EPHA4: variants seen among roughly 807,000 people sequenced by gnomAD.
EPHA4 encodes EPH receptor A4, also known as ephrin type-A receptor 4.
A neutral mutation model predicts 108.3 loss-of-function variants in EPHA4; 19 were observed. That is an observed-to-expected ratio of 0.18 (90% confidence interval 0.12 to 0.26). The LOEUF (loss-of-function observed/expected upper bound fraction) is 0.26, where lower values mean the gene tolerates loss of function less well. Ranked by LOEUF, EPHA4 falls within the 10% of genes least tolerant of loss-of-function variation. The pLI, the probability that EPHA4 is intolerant of heterozygous loss-of-function variation, is 1.00. For synonymous variants in EPHA4, 449 were observed against 455.5 expected, an observed-to-expected ratio of 0.99 and a Z score of 0.18; for missense variants, 917 against 1,254.0, an observed-to-expected ratio of 0.73 and a Z score of 4.06.
At chr2:221,524,757 C>T (rs952478821) in intron 3 of EPHA4, among the ~76,000 whole-genome samples, 4 of 152,190 alleles carry the variant, frequency 2.6e-5, no homozygotes, top group African/African-American at 9.7e-5. Flanking sequence ...TTACTAAACA[C>T]CAGCTGGATT....
intron 5 of EPHA4, among the ~76,000 whole-genome samples, chr2:221,461,556 T>C (rs1691144672): frequency 6.6e-6 from 1 of 152,138 alleles, no homozygotes. Flanking sequence ...ATTTACATTC[T>C]GAAATCTCAT....
chr2:221,427,212 G>A (rs1574553167), intron 15 of EPHA4, among the ~76,000 whole-genome samples: 1 of 152,278 alleles, frequency 6.6e-6, no homozygotes. Context: ...TGACCAGCAC[G>A]AGTGCCAAGG....
intron 14 of EPHA4, 72 bp from the exon 15 acceptor site, chr2:221,430,223 G>T: frequency 1.4e-6 from 2 of 1,468,688 alleles, no homozygotes; most frequent in Non-Finnish European, 1.8e-6. Flanking sequence ...CTTCCGACTG[G>T]CATGTTTCTT....
chr2:221,475,809 T>C (rs1691637169), intron 5 of EPHA4, among the ~76,000 whole-genome samples: 1 of 152,236 alleles, frequency 6.6e-6, no homozygotes, highest in African/African-American at 2.4e-5. Context: ...ATTAGAAATA[T>C]AAAAGCCAAT....
chr2:221,531,361 C>T (rs935568654), intron 3 of EPHA4, among the ~76,000 whole-genome samples: 2 of 152,000 alleles, frequency 1.3e-5, no homozygotes, highest in South Asian at 2.1e-4. Flanking sequence ...AAAAGCCACG[C>T]GTACTTTTTG....
chr2:221,514,093 G>GGT (rs1559274267), intron 3 of EPHA4, among the ~76,000 whole-genome samples: 1 of 147,108 alleles, frequency 6.8e-6, no homozygotes, highest in Admixed American at 6.8e-5. Context: ...TAAGCCGGGG[G>GGT]GAGGGGGTTT....
chr2:221,510,871 A>G (rs778368260), intron 3 of EPHA4, among the ~76,000 whole-genome samples: 2 of 152,222 alleles, frequency 1.3e-5, no homozygotes, highest in Non-Finnish European at 2.9e-5. Flanking sequence ...AACTAAACAC[A>G]TTCAACTAAA....
chr2:221,476,196 T>C (rs1268429548), intron 5 of EPHA4, among the ~76,000 whole-genome samples: 1 of 152,108 alleles, frequency 6.6e-6, no homozygotes, highest in Non-Finnish European at 1.5e-5. Context: ...TTAGGTTTAG[T>C]ATTCCAAAAC....
chr2:221,487,457 T>C (rs919964923), intron 4 of EPHA4, among the ~76,000 whole-genome samples: 5 of 152,218 alleles, frequency 3.3e-5, no homozygotes, highest in African/African-American at 1.2e-4. Flanking sequence ...TCCACCTTGA[T>C]TTCAGGAGGT....
chr2:221,566,879 AGAAGG>A lies in EPHA4; in HGVS notation c.159+1834_159+1838del, dbSNP rs1559297121. Among the ~76,000 whole-genome samples the A allele has an allele frequency of 1.5e-3, 35 of 23,108 alleles. 1 individual carries two copies. Among genetic ancestry groups the A allele is most frequent in the South Asian group, 4.1e-3 (3 of 738 alleles). 15.2% of individuals were successfully genotyped at this position (23,108 alleles called of 152,430 possible). On this transcript the variant is annotated intron_variant, in intron 2 of 17. Transcript: ENST00000281821. Reference sequence around the variant, plus strand: ...GAGAAGAAGAAGAAGAAGAAGAAGGAGAAGGAGAAGGAGAAGGAGAAGGAGAAGGA... The same window carrying A: ...GAGAAGAAGAAGAAGAAGAAGAAGGAAGAAGGAGAAGGAGAAGGAGAAGGA...
chr2:221,424,652 G>A (rs1481908213), intron 17 of EPHA4, among the ~76,000 whole-genome samples: 5 of 152,170 alleles, frequency 3.3e-5, no homozygotes, highest in Non-Finnish European at 5.9e-5. Context: ...TGAGAAAGCC[G>A]AGGCGAGTTC....
Position 221,489,130 on chromosome 2 carries a change from A to C in EPHA4, c.980-6440T>G, listed in dbSNP as rs1692064694. ...GTTTGGTATAAACCATTCCATGGAA[A>C]GTCCAGGTACCCTATGTACTCTACC... On this transcript the variant is annotated intron_variant, in intron 4 of 17. Transcript: ENST00000281821. Among the ~76,000 whole-genome samples, 2 of 152,200 alleles carry C rather than the reference A, an allele frequency of 1.3e-5. 1 individual carries two copies. The highest frequency in any genetic ancestry group is 4.1e-4 in the South Asian group (2 of 4,834).
At chr2:221,524,372 C>T (rs966921375) in intron 3 of EPHA4, among the ~76,000 whole-genome samples, 1 of 152,200 alleles carries the variant, frequency 6.6e-6, no homozygotes, top group African/African-American at 2.4e-5. Flanking sequence ...TGGTAAATGA[C>T]ACGTCTCTAT....
chr2:221,516,563 C>T (rs1692996392), intron 3 of EPHA4, among the ~76,000 whole-genome samples: 1 of 152,112 alleles, frequency 6.6e-6, no homozygotes, highest in Non-Finnish European at 1.5e-5. Flanking sequence ...CCATGTTGGT[C>T]AGGCTGGTCT....
At chr2:221,466,016 T>C (rs1691300806) in intron 5 of EPHA4, among the ~76,000 whole-genome samples, 1 of 152,172 alleles carries the variant, frequency 6.6e-6, no homozygotes, top group South Asian at 2.1e-4. Context: ...CAGCTGGTCA[T>C]GCACGATGAG....
chr2:221,483,165 A>G (rs183541589), intron 4 of EPHA4, among the ~76,000 whole-genome samples: 1 of 152,350 alleles, frequency 6.6e-6, no homozygotes, highest in Admixed American at 6.5e-5. Flanking sequence ...ACAGAACTGT[A>G]GAAATGTGCC....
chr2:221,541,690 G>A (rs72965031), intron 3 of EPHA4, among the ~76,000 whole-genome samples: 207 of 152,296 alleles, frequency 1.4e-3, no homozygotes, highest in Non-Finnish European at 1.9e-3. Flanking sequence ...TGATTCTGAC[G>A]TTACCAACAA....
rs1054510012 is a variant in EPHA4, at chr2:221,498,082, G to A, written c.979+2935C>T. Among the ~76,000 whole-genome samples, 5 of 152,220 alleles carry A rather than the reference G, an allele frequency of 3.3e-5. No homozygotes were observed. In the South Asian group the frequency reaches 1.0e-3, roughly 32 times the overall value. ...AAATGTTCCAGCAACACAGACATAT[G>A]GCCATCTTTGGAGGTTTCCTAAACT... On this transcript the variant is annotated intron_variant, in intron 4 of 17. Transcript: ENST00000281821.
intron 3 of EPHA4, among the ~76,000 whole-genome samples, chr2:221,560,185 C>G (rs535858522): frequency 4.2e-4 from 64 of 151,902 alleles, no homozygotes; most frequent in African/African-American, 1.4e-3. Flanking sequence ...TCTGACCTCC[C>G]GGACCCCAAG....
Sources: gnomAD v4.1 joint callset for allele counts (sites outside exome capture counted in the v4.1 genomes callset) on GRCh38, gnomAD v4.1.1 for gene constraint, MANE v1.5 for transcripts, NCBI Gene and HGNC (gene_info 2026-07-23, HGNC 2026-07-21) for gene names.